FAM20B: variants seen among roughly 807,000 people sequenced by gnomAD.
FAM20B encodes the protein FAM20B glycosaminoglycan xylosylkinase.
FAM20B carries 23 observed loss-of-function variants against 43.8 expected under a neutral mutation model. That is an observed-to-expected ratio of 0.53 (90% CI 0.38 to 0.74). The LOEUF is 0.74. Among genes scored for constraint, FAM20B ranks in the 30% least tolerant of loss-of-function variants. The probability of loss-of-function intolerance (pLI) is 0.00; values close to 1 mark genes in which losing one functional copy is unlikely to be tolerated. For synonymous variants in FAM20B, 178 were observed against 192.4 expected, an observed-to-expected ratio of 0.93 and a Z score of 0.62; for missense variants, 440 against 510.5, an observed-to-expected ratio of 0.86 and a Z score of 1.33.
chr1:179,023,902 T>C (rs1649649355), upstream of FAM20B, among the ~76,000 whole-genome samples: 1 of 152,166 alleles, frequency 6.6e-6, no homozygotes, highest in Non-Finnish European at 1.5e-5. Flanking sequence ...TCCCTCACAA[T>C]ACTTAGAATA....
intron 2 of FAM20B, among the ~76,000 whole-genome samples, chr1:179,044,827 T>C (rs1650697673): frequency 6.6e-6 from 1 of 152,256 alleles, no homozygotes; most frequent in African/African-American, 2.4e-5. Flanking sequence ...AGAAGCATAA[T>C]TGCTGGACCA....
At chr1:179,046,441 A>G (rs1333380402) in intron 2 of FAM20B, among the ~76,000 whole-genome samples, 2 of 152,174 alleles carry the variant, frequency 1.3e-5, no homozygotes, top group Non-Finnish European at 2.9e-5. Flanking sequence ...ACTTGACGTC[A>G]GGAGTTTGAG....
chr1:179,044,506 G>A (rs1000761117), intron 2 of FAM20B, among the ~76,000 whole-genome samples: 3 of 152,080 alleles, frequency 2.0e-5, no homozygotes, highest in African/African-American at 4.8e-5. Context: ...TACTATCTCC[G>A]TAGTTTTGCC....
At chr1:179,060,834 C>T (rs1358095024) in intron 4 of FAM20B, among the ~76,000 whole-genome samples, 1 of 152,176 alleles carries the variant, frequency 6.6e-6, no homozygotes, top group Admixed American at 6.5e-5. Context: ...TTTATATTCC[C>T]ATAGAAATAT....
intron 1 of FAM20B, among the ~76,000 whole-genome samples, chr1:179,035,949 G>A (rs182149665): frequency 1.0e-3 from 157 of 152,204 alleles, no homozygotes; most frequent in Non-Finnish European, 1.9e-3. Context: ...GCCCAACGTG[G>A]AGAAACCCCG....
intron 6 of FAM20B, among the ~76,000 whole-genome samples, chr1:179,064,974 C>T (rs529969549): frequency 6.6e-6 from 1 of 152,170 alleles, no homozygotes; most frequent in East Asian, 1.9e-4. Flanking sequence ...AGAGCTGTTG[C>T]CTAGTGTGGA....
intron 2 of FAM20B, among the ~76,000 whole-genome samples, chr1:179,046,462 C>G (rs919498951): frequency 6.6e-6 from 1 of 151,812 alleles, no homozygotes; most frequent in Admixed American, 6.6e-5. Context: ...ACCAGCCTGG[C>G]CAACATGGCG....
intron 7 of FAM20B, 72 bp from the exon 8 acceptor site, chr1:179,071,841 G>A: frequency 9.4e-7 from 1 of 1,058,970 alleles, no homozygotes; most frequent in Non-Finnish European, 1.4e-6. Flanking sequence ...ACTTTTGTCT[G>A]CCTAGCAGGC....
chr1:179,034,202 A>G (rs1255951637), intron 1 of FAM20B, among the ~76,000 whole-genome samples: 1 of 152,162 alleles, frequency 6.6e-6, no homozygotes, highest in Non-Finnish European at 1.5e-5. Flanking sequence ...ATCACTTGGC[A>G]TTTGGTAGTC....
rs773449058 is a variant in FAM20B at position 179,043,948 on chromosome 1, A to G, written c.101A>G (p.Asn34Ser). The G allele has an allele frequency of 5.0e-6, 8 of 1,614,020 alleles. No individual in the cohort carries two copies. In the African/African-American group the frequency reaches 6.7e-5, roughly 13 times the overall value. Residue 34 changes from asparagine to serine, a missense_variant, in exon 2 of 8, where the codon AAC becomes AGC. Asn to Ser is a conservative substitution (Grantham distance 46). Coordinates refer to ENST00000263733, the MANE Select transcript of FAM20B (RefSeq NM_014864.4). Reference protein sequence around the residue: ...LIDNLDTSAANREDQRAFHRM... With the variant: ...LIDNLDTSAASREDQRAFHRM... ...GACAACTTAGATACATCAGCTGCCA[A>G]CCGGGAGGACCAGAGGGCCTTTCAC...
At chr1:179,023,396 A>G (rs114269598), upstream of FAM20B, among the ~76,000 whole-genome samples, 1,272 of 152,330 alleles carry the variant, frequency 8.4e-3, 18 homozygotes, top group African/African-American at 0.029. Flanking sequence ...AGAAGGGCAA[A>G]GAGGAGATTA....
intron 3 of FAM20B, among the ~76,000 whole-genome samples, chr1:179,053,990 A>C (rs912636879): frequency 2.6e-5 from 4 of 152,106 alleles, no homozygotes; most frequent in Non-Finnish European, 5.9e-5. Flanking sequence ...TTTTTTAGCC[A>C]GGAAATTTCA....
At chr1:179,041,304 C>T (rs921529766) in intron 1 of FAM20B, among the ~76,000 whole-genome samples, 1 of 152,192 alleles carries the variant, frequency 6.6e-6, no homozygotes, top group Non-Finnish European at 1.5e-5. Flanking sequence ...CCAAGGCAGG[C>T]GGCTGGGAGG....
At chr1:179,026,572 G>A (rs1649793467) in intron 1 of FAM20B, among the ~76,000 whole-genome samples, 1 of 152,202 alleles carries the variant, frequency 6.6e-6, no homozygotes, top group African/African-American at 2.4e-5. Flanking sequence ...TCTTTGCTGG[G>A]CCCGCCTCGT....
chr1:179,060,897 G>T (rs1339581297), intron 4 of FAM20B, among the ~76,000 whole-genome samples: 1 of 151,984 alleles, frequency 6.6e-6, no homozygotes, highest in Admixed American at 6.6e-5. Context: ...TTAAACTTTT[G>T]GTTTTGTGTA....
At chr1:179,041,097 TGGCGGCCGGG>T in intron 1 of FAM20B, among the ~76,000 whole-genome samples, 1 of 113,088 alleles carries the variant, frequency 8.8e-6, no homozygotes, top group Non-Finnish European at 1.7e-5. Flanking sequence ...CTTGATGGGA[TGGCGGCCGGG>T]AAGAGGCGCT....
intron 1 of FAM20B, among the ~76,000 whole-genome samples, chr1:179,035,145 G>A (rs1650168459): frequency 6.6e-6 from 1 of 152,152 alleles, no homozygotes; most frequent in Non-Finnish European, 1.5e-5. Context: ...TTCCTTGGCA[G>A]CCACATACAT....
rs756517205 is a variant in FAM20B, at chr1:179,073,070, C to T, written c.*926C>T. ...AATAATACCTTGAATAACAGGTTGC[C>T]TGTGGTCTCTGTCATCCTCGTTTCT... On this transcript the variant is annotated 3_prime_UTR_variant, in exon 8 of 8. Coordinates refer to ENST00000263733, the MANE Select transcript of FAM20B (RefSeq NM_014864.4). 6.6e-6 allele frequency: 1 copy of T among 152,188 alleles called. No homozygotes were observed. Among genetic ancestry groups the T allele is most frequent in the Non-Finnish European group, 1.5e-5 (1 of 68,026 alleles). The allele number at this position is 152,188 out of a possible 1,614,324, so 9.4% of individuals were successfully genotyped here. A position where few individuals can be genotyped will look rare whatever the true frequency, so the allele number is the denominator to read the frequency against.
intron 1 of FAM20B, among the ~76,000 whole-genome samples, chr1:179,027,420 A>C (rs1649834179): frequency 6.6e-6 from 1 of 152,204 alleles, no homozygotes; most frequent in Non-Finnish European, 1.5e-5. Context: ...CTGAGGTACA[A>C]ATGGTAAAGA....
Sources: allele counts gnomAD v4.1 joint callset (sites outside exome capture counted in the v4.1 genomes callset), GRCh38; gene constraint gnomAD v4.1.1; transcripts MANE v1.5; gene names NCBI Gene and HGNC (gene_info 2026-07-23, HGNC 2026-07-21).